The following SMCHD1 variants were observed in gnomAD, a reference collection of about 807,000 sequenced individuals.
The protein encoded by SMCHD1 is structural maintenance of chromosomes flexible hinge domain containing 1.
In SMCHD1, 78 loss-of-function variants were observed where a neutral mutation model predicts 254.7. That is an observed-to-expected ratio of 0.31 (90% CI 0.26 to 0.37). The LOEUF (loss-of-function observed/expected upper bound fraction) is 0.37. Ranked by LOEUF, SMCHD1 falls within the 10% of genes least tolerant of loss-of-function variation. SMCHD1 has a pLI of 1.00. For missense variants in SMCHD1, 1,840 were observed against 2,408.1 expected (o/e 0.76, Z 4.94); for synonymous variants, 766 against 794.9 (o/e 0.96, Z 0.61).
At chr18:2,659,973 G>C (rs2073198035) in intron 1 of SMCHD1, among the ~76,000 whole-genome samples, 1 of 152,092 alleles carries the variant, frequency 6.6e-6, no homozygotes, top group Non-Finnish European at 1.5e-5. Context: ...AAAATTAACT[G>C]ATCATTTTGG....
chr18:2,768,220 A>G (rs2075905491), intron 37 of SMCHD1, among the ~76,000 whole-genome samples: 4 of 152,212 alleles, frequency 2.6e-5, no homozygotes, highest in African/African-American at 9.6e-5. Context: ...TGAGCAGGCA[A>G]TTAATGGAAA....
Position 2,705,757 on chromosome 18 carries a change from G to A in SMCHD1, c.1906G>A (p.Asp636Asn), listed in dbSNP as rs776263440. The change falls in exon 14 of 48, where the codon GAT (aspartate) becomes AAT (asparagine). Residue 636 changes from aspartate to asparagine, a missense_variant. Asp to Asn is a conservative substitution (Grantham distance 23, BLOSUM62 1). Around this residue, in one of 9 missense-constraint regions of SMCHD1, gnomAD observed 498 missense variants for 743.5 expected, o/e 0.67. Transcript: ENST00000320876. ...GSIVRFFLYG[D>N]HDGEVYATGG... ...CATAGTAAGATTTTTTCTTTATGGC[G>A]ATCATGATGGAGAAGTATATGCTAC... is the stretch of plus-strand genomic sequence containing the variant. 9.3e-6 allele frequency: 15 copies of A among 1,608,036 alleles called. No individual in the cohort carries two copies. Among genetic ancestry groups the A allele is most frequent in the Admixed American group, 5.0e-5 (3 of 59,706 alleles).
At position 2,667,051 on chromosome 18, in the gene SMCHD1, T is replaced by C; in HGVS notation, c.424+20T>C. On this transcript the variant is annotated intron_variant, in intron 3 of 47. Transcript: ENST00000320876. ...CTTTGCGTAAGTATCCCATTCATAC[T>C]AATTTTGATAAATTATTACCTGCCT... 3 of 1,524,056 alleles carry C rather than the reference T, an allele frequency of 2.0e-6. No individual in the cohort carries two copies. The highest frequency in any genetic ancestry group is 2.7e-6 in the Non-Finnish European group (3 of 1,123,618). 94.4% of individuals were successfully genotyped at this position (1,524,056 alleles called of 1,614,324 possible).
At chr18:2,800,472 T>G (rs1053737433) in intron 47 of SMCHD1, 3 of 152,122 alleles carry the variant, frequency 2.0e-5, no homozygotes, top group Admixed American at 2.0e-4. Context: ...CACCTGCACA[T>G]TTATCTATTT....
At chr18:2,662,192 T>G (rs28412816) in intron 1 of SMCHD1, among the ~76,000 whole-genome samples, 3 of 75,864 alleles carry the variant, frequency 4.0e-5, no homozygotes, top group Admixed American at 1.2e-4. Flanking sequence ...AATAAATAAA[T>G]AAATAAATAA....
At chr18:2,686,669 G>C (rs1451816588) in intron 5 of SMCHD1, among the ~76,000 whole-genome samples, 2 of 152,048 alleles carry the variant, frequency 1.3e-5, no homozygotes, top group African/African-American at 4.8e-5. Context: ...GCAAACTTGT[G>C]TGGGGAGGCA....
intron 19 of SMCHD1, among the ~76,000 whole-genome samples, chr18:2,721,749 A>G (rs1467557878): frequency 6.6e-6 from 1 of 152,104 alleles, no homozygotes; most frequent in African/African-American, 2.4e-5. Context: ...TGCTTCTCTA[A>G]TTTTTAGATT....
intron 10 of SMCHD1, among the ~76,000 whole-genome samples, chr18:2,699,998 G>A (rs377224074): frequency 6.6e-6 from 1 of 152,290 alleles, no homozygotes. Flanking sequence ...TGCTCTTGAT[G>A]CATAGTAACA....
chr18:2,792,467 C>A (rs2076183241), intron 45 of SMCHD1, among the ~76,000 whole-genome samples: 1 of 152,132 alleles, frequency 6.6e-6, no homozygotes, highest in African/African-American at 2.4e-5. Flanking sequence ...TTGCTCAGAG[C>A]ATATCCCCAT....
intron 42 of SMCHD1, among the ~76,000 whole-genome samples, chr18:2,776,229 T>A (rs1157102953): frequency 6.6e-6 from 1 of 152,134 alleles, no homozygotes; most frequent in Non-Finnish European, 1.5e-5. Flanking sequence ...TTTTTTAAAT[T>A]TTTTAATTTT....
chr18:2,693,968 A>G (rs1228575747), intron 7 of SMCHD1, among the ~76,000 whole-genome samples: 3 of 152,152 alleles, frequency 2.0e-5, no homozygotes, highest in African/African-American at 4.8e-5. Flanking sequence ...CTACAGATGG[A>G]GAAGTTTGTA....
In SMCHD1 at chr18:2,743,751, T is replaced by C; in HGVS notation, c.3634-10T>C. The C allele has an allele frequency of 6.3e-7, 1 of 1,580,058 alleles. No homozygotes were observed. Among genetic ancestry groups the C allele is most frequent in the Non-Finnish European group, 8.6e-7 (1 of 1,160,956 alleles). On this transcript the variant is annotated splice_polypyrimidine_tract_variant and intron_variant, in intron 28 of 47. Transcript: ENST00000320876. Reference sequence around the variant, plus strand: ...CCCCCTGTCTTTCTCAATGTACTTTTCCTCACTAGGAAAACACACAGAGTA... The same window carrying C: ...CCCCCTGTCTTTCTCAATGTACTTTCCCTCACTAGGAAAACACACAGAGTA...
At chr18:2,704,014 TGAA>T in intron 13 of SMCHD1, 128 bp downstream of exon 13, 1 of 658,640 alleles carries the variant, frequency 1.5e-6, no homozygotes, top group South Asian at 3.3e-5. Flanking sequence ...TCACATTTCA[TGAA>T]GAACATTTAT....
Position 2,802,528 on chromosome 18 carries a change from G to T in SMCHD1, c.5994G>T (p.Arg1998Ser). The change falls in exon 48 of 48, where the codon AGG becomes AGT. Residue 1998 changes from arginine to serine, a missense_variant and splice_region_variant. Around this residue, in one of 9 missense-constraint regions of SMCHD1, gnomAD observed 132 missense variants for 138.2 expected, o/e 0.95. Coordinates refer to ENST00000320876, the MANE Select transcript of SMCHD1 (RefSeq NM_015295.3). ...RMRREATRQN[R>S]IITKTDV ...TTTTTTTTCTTTCCCCTTTGACCAG[G>T]ATTATAACCAAAACAGATGTATGAG... 6.4e-7 allele frequency: 1 copy of T among 1,553,002 alleles called. No individual in the cohort carries two copies. The highest frequency in any genetic ancestry group is 8.7e-7 in the Non-Finnish European group (1 of 1,147,712).
chr18:2,762,122 G>C lies in SMCHD1; in HGVS notation c.4452G>C (p.Leu1484=), dbSNP rs373559293. 5 of 1,613,302 alleles carry C rather than the reference G, an allele frequency of 3.1e-6. No homozygotes were observed. The highest frequency in any genetic ancestry group is 1.1e-5 in the South Asian group (1 of 91,068). The change falls in exon 36 of 48, where the codon CTG becomes CTC. Residue 1484 remains leucine, a synonymous_variant. Transcript: ENST00000320876. The stretch of plus-strand genomic sequence containing the variant: ...TTTGTAAGGTTATAGTTGAAGTCCT[G>C]CCTAATCAACCTGTGAAGTTAGTAC... ...LNSEQVIVEV[L]PNQPVKLVPK... is the part of the protein sequence containing the mutation.
At position 2,750,131 on chromosome 18, in the gene SMCHD1, CA is replaced by C; in HGVS notation, c.4007+13del. 6.4e-7 allele frequency: 1 copy of C among 1,571,562 alleles called. No individual in the cohort carries two copies. The highest frequency in any genetic ancestry group is 1.9e-5 in the Admixed American group (1 of 53,316). On this transcript the variant is annotated intron_variant, in intron 31 of 47. Transcript: ENST00000320876. The stretch of plus-strand genomic sequence containing the variant: ...AGTGTTTTTGCCCCTAGGTAAGAAC[CA>C]AAAGTTTGATAGTTGTTGGTGTTAT...
chr18:2,697,864 A>G lies in SMCHD1; in HGVS notation c.1165A>G (p.Ile389Val). 1.9e-6 allele frequency: 3 copies of G among 1,612,912 alleles called. No homozygotes were observed. Among genetic ancestry groups the G allele is most frequent in the Non-Finnish European group, 2.5e-6 (3 of 1,179,104 alleles). ...GTTTGAAAAAGGGAAGGTACCTAAG[A>G]TTGTCAACCTAAGGGAAATACAAGA... ...SMFEKGKVPK[I>V]VNLREIQDDM... Residue 389 changes from isoleucine to valine, a missense_variant, in exon 10 of 48, where the codon ATT becomes GTT. This residue lies in a region of SMCHD1 where 498 missense variants were observed against 743.5 expected (regional missense o/e 0.67). Transcript: ENST00000320876.
chr18:2,669,389 G>C (rs2073532948), intron 3 of SMCHD1, among the ~76,000 whole-genome samples: 3 of 152,096 alleles, frequency 2.0e-5, no homozygotes, highest in African/African-American at 7.2e-5. Context: ...TGTAGAGATG[G>C]AGTCTCACTA....
intron 4 of SMCHD1, among the ~76,000 whole-genome samples, chr18:2,673,592 G>A (rs746470503): frequency 2.9e-5 from 4 of 140,286 alleles, no homozygotes; most frequent in African/African-American, 6.6e-5. Context: ...ACAGTACATT[G>A]TTAACATGTG....
Sources: gnomAD v4.1 joint callset for allele counts (sites outside exome capture counted in the v4.1 genomes callset) on GRCh38, gnomAD v4.1.1 for gene constraint, gnomAD v4.1.1 regional missense constraint, MANE v1.5 for transcripts, NCBI Gene and HGNC (gene_info 2026-07-23, HGNC 2026-07-21) for gene names.